DGKB: variants seen among roughly 807,000 people sequenced by gnomAD.
DGKB encodes diacylglycerol kinase beta, also known as 90 kDa diacylglycerol kinase.
Under a neutral mutation model 114.3 loss-of-function variants are expected in DGKB, and 67 were observed. The observed-to-expected ratio is 0.59, with a 90% CI of 0.48 to 0.72. DGKB has a LOEUF of 0.72. Among genes scored for constraint, DGKB ranks in the 30% least tolerant of loss-of-function variants. The pLI is 0.00. For synonymous variants in DGKB, 398 were observed against 323.1 expected (o/e 1.23, Z -2.49); for missense variants, 907 against 975.2 (o/e 0.93, Z 0.93).
chr7:14,610,657 C>T (rs1805380751), intron 16 of DGKB, among the ~76,000 whole-genome samples: 1 of 151,974 alleles, frequency 6.6e-6, no homozygotes, highest in African/African-American at 2.4e-5. Context: ...GCTCATATCA[C>T]CTAGAGTTGT....
chr7:14,879,161 A>G (rs1162218030), intron 1 of DGKB, among the ~76,000 whole-genome samples: 1 of 151,946 alleles, frequency 6.6e-6, no homozygotes, highest in East Asian at 1.9e-4. Context: ...GATTAAGGTA[A>G]AGTAGTTCTT....
chr7:14,703,739 G>A (rs1397697070), intron 6 of DGKB, among the ~76,000 whole-genome samples: 8 of 152,088 alleles, frequency 5.3e-5, no homozygotes, highest in Non-Finnish European at 1.2e-4. Flanking sequence ...TTTGGTCATC[G>A]TTCCTGAAAA....
intron 23 of DGKB, among the ~76,000 whole-genome samples, chr7:14,276,548 T>G (rs1325405745): frequency 6.6e-6 from 1 of 152,104 alleles, no homozygotes; most frequent in East Asian, 1.9e-4. Flanking sequence ...TTCTACATTT[T>G]TGTAGACTAT....
chr7:14,798,611 A>C (rs997931807), intron 2 of DGKB, among the ~76,000 whole-genome samples: 1 of 152,198 alleles, frequency 6.6e-6, no homozygotes, highest in Non-Finnish European at 1.5e-5. Context: ...GGGGAAAAGA[A>C]AATAATCAGA....
intron 2 of DGKB, among the ~76,000 whole-genome samples, chr7:14,838,791 T>A (rs1332113729): frequency 1.3e-5 from 2 of 152,176 alleles, no homozygotes; most frequent in Non-Finnish European, 2.9e-5. Flanking sequence ...CACTTATAAC[T>A]GTACAATGAC....
intron 13 of DGKB, among the ~76,000 whole-genome samples, chr7:14,644,895 C>A (rs563067391): frequency 6.6e-6 from 1 of 152,080 alleles, no homozygotes; most frequent in African/African-American, 2.4e-5. Flanking sequence ...CTATCGATGG[C>A]GACAGGGGAC....
rs199806833 is a variant in DGKB at position 14,919,060 on chromosome 7, ACG to A, written c.-188+55634_-188+55635del. ...GGGTGACAGAGTGAGACTCCACCACACGCACACACACACACACACACACACAC... is the reference window on the plus strand; with the variant it reads ...GGGTGACAGAGTGAGACTCCACCACACACACACACACACACACACACACAC... On this transcript the variant is annotated intron_variant, in intron 1 of 4. Coordinates refer to the DGKB transcript ENST00000437998. 3.0e-3 allele frequency among the ~76,000 whole-genome samples: 376 copies of A among 125,094 alleles called. 2 individuals are homozygous for A. Among genetic ancestry groups the A allele is most frequent in the African/African-American group, 0.011 (352 of 32,516 alleles). The allele number at this position is 125,094 out of a possible 152,430, so 82.1% of individuals were successfully genotyped here.
At chr7:14,182,682 AAGTC>A (rs1782815662) in intron 23 of DGKB, among the ~76,000 whole-genome samples, 1 of 152,162 alleles carries the variant, frequency 6.6e-6, no homozygotes, top group African/African-American at 2.4e-5. Flanking sequence ...GTAAATTTGA[AAGTC>A]AGGGGCACAT....
intron 20 of DGKB, among the ~76,000 whole-genome samples, chr7:14,544,371 T>C (rs1218507844): frequency 5.3e-5 from 8 of 152,214 alleles, no homozygotes; most frequent in Non-Finnish European, 1.0e-4. Flanking sequence ...TGTATTAGCC[T>C]TGAAGATGTT....
intron 13 of DGKB, among the ~76,000 whole-genome samples, chr7:14,635,570 C>T (rs578064395): frequency 4.6e-5 from 7 of 151,698 alleles, no homozygotes; most frequent in African/African-American, 1.4e-4. Context: ...GAGCACCCAT[C>T]TTCAAAACAC....
intron 23 of DGKB, among the ~76,000 whole-genome samples, chr7:14,293,891 C>T (rs1391476029): frequency 6.6e-6 from 1 of 152,140 alleles, no homozygotes; most frequent in Non-Finnish European, 1.5e-5. Flanking sequence ...TTCTTGCCCT[C>T]CTCATTTTTG....
At chr7:14,491,905 A>T (rs1005112316) in intron 20 of DGKB, among the ~76,000 whole-genome samples, 1 of 152,054 alleles carries the variant, frequency 6.6e-6, no homozygotes, top group Non-Finnish European at 1.5e-5. Context: ...CTTGTTAGAA[A>T]AATTGAGTCC....
At chr7:14,829,240 T>C (rs1846095935) in intron 2 of DGKB, among the ~76,000 whole-genome samples, 1 of 152,120 alleles carries the variant, frequency 6.6e-6, no homozygotes. Flanking sequence ...CTTTTTGGTA[T>C]TGACCCATTA....
chr7:14,265,315 A>ATTTTTTTTTTTT lies in DGKB; in HGVS notation c.2122+73199_2122+73200insAAAAAAAAAAAA, dbSNP rs1178230744. On this transcript the variant is annotated intron_variant, in intron 23 of 25. Transcript: ENST00000402815. ...TTTGGACTGCTGTCTTTTCTCTTGC[A>ATTTTTTTTTTTT]TTCTTTTTTTTTTTTTTTTTTTTGC... Among the ~76,000 whole-genome samples, 4 of 40,508 alleles carry ATTTTTTTTTTTT rather than the reference A, an allele frequency of 9.9e-5. 1 individual carries two copies. The highest frequency in any genetic ancestry group is 5.6e-4 in the African/African-American group (3 of 5,394). The allele number at this position is 40,508 out of a possible 152,430, so 26.6% of individuals were successfully genotyped here. A position where few individuals can be genotyped will look rare whatever the true frequency, so the allele number is the denominator to read the frequency against.
chr7:14,641,830 A>C (rs1238767800), intron 13 of DGKB, among the ~76,000 whole-genome samples: 1 of 152,104 alleles, frequency 6.6e-6, no homozygotes, highest in Non-Finnish European at 1.5e-5. Context: ...AAGATTTTAT[A>C]ATGTTTATGT....
At chr7:14,265,142 T>TTG (rs897400266) in intron 23 of DGKB, among the ~76,000 whole-genome samples, 9 of 147,202 alleles carry the variant, frequency 6.1e-5, no homozygotes, top group Non-Finnish European at 1.2e-4. Flanking sequence ...CGGAGATCAT[T>TTG]TTTTTTTTTT....
At chr7:14,855,779 A>G (rs1850058776) in intron 1 of DGKB, among the ~76,000 whole-genome samples, 1 of 152,128 alleles carries the variant, frequency 6.6e-6, no homozygotes, top group Admixed American at 6.5e-5. Flanking sequence ...TGTGGATTAG[A>G]TAGGACTTTT....
chr7:14,473,719 G>T (rs1197864876), intron 21 of DGKB, among the ~76,000 whole-genome samples: 3 of 152,224 alleles, frequency 2.0e-5, no homozygotes, highest in African/African-American at 7.2e-5. Context: ...CAAGGTCATG[G>T]AAGCCTACTT....
At chr7:14,408,679 TCTTTA>T (rs1267747334) in intron 21 of DGKB, among the ~76,000 whole-genome samples, 23 of 152,258 alleles carry the variant, frequency 1.5e-4, no homozygotes, top group Non-Finnish European at 5.9e-5. Flanking sequence ...TATTTTTGGT[TCTTTA>T]CTTGATAATG....
Sources: allele counts gnomAD v4.1 joint callset (sites outside exome capture counted in the v4.1 genomes callset), GRCh38; gene constraint gnomAD v4.1.1; transcripts MANE v1.5; gene names NCBI Gene and HGNC (gene_info 2026-07-23, HGNC 2026-07-21).